CASP8: variants seen among roughly 807,000 people sequenced by gnomAD.
The protein encoded by CASP8 is caspase 8.
In CASP8, 24 loss-of-function variants were observed where a neutral mutation model predicts 46.3. The ratio of observed to expected loss-of-function variants is 0.52; its 90% confidence interval spans 0.38 to 0.73. CASP8 has a LOEUF of 0.73. Among genes scored for constraint, CASP8 ranks in the 30% least tolerant of loss-of-function variants. The probability of loss-of-function intolerance (pLI) is 0.00; values close to 1 mark genes in which losing one functional copy is unlikely to be tolerated. For synonymous variants in CASP8, 188 were observed against 200.4 expected (o/e 0.94, Z 0.52); for missense variants, 460 against 559.0 (o/e 0.82, Z 1.79).
chr2:201,278,739 T>C (rs1267044955), intron 7 of CASP8, among the ~76,000 whole-genome samples: 2 of 151,814 alleles, frequency 1.3e-5, no homozygotes, highest in South Asian at 2.1e-4. Flanking sequence ...ACCATGTTGG[T>C]CAGGCTGTTC....
intron 2 of CASP8, among the ~76,000 whole-genome samples, chr2:201,250,937 T>G (rs1946750256): frequency 6.6e-6 from 1 of 152,240 alleles, no homozygotes; most frequent in Non-Finnish European, 1.5e-5. Context: ...TCACACTTCC[T>G]CCCCTGAGTC....
rs146286958 is a variant in CASP8, at chr2:201,284,905, A to G, written c.892A>G (p.Ile298Val). 982 of 1,614,136 alleles carry G rather than the reference A, an allele frequency of 6.1e-4. 2 individuals carry two copies. The highest frequency in any genetic ancestry group is 5.9e-4 in the Non-Finnish European group (700 of 1,180,020). Reference protein sequence around the residue: ...TVEQIYEILKIYQLMDHSNMD... With the variant: ...TVEQIYEILKVYQLMDHSNMD... ...AGAGCAAATCTATGAGATTTTGAAA[A>G]TCTACCAACTCATGGACCACAGTAA... Residue 298 changes from isoleucine to valine, a missense_variant, in exon 8 of 9, where the codon ATC becomes GTC. Ile to Val is a conservative substitution (Grantham distance 29). Coordinates refer to ENST00000673742, the MANE Select transcript of CASP8 (RefSeq NM_001372051.1).
intron 7 of CASP8, among the ~76,000 whole-genome samples, chr2:201,282,765 G>A (rs1455748973): frequency 7.1e-5 from 6 of 83,946 alleles, no homozygotes; most frequent in African/African-American, 2.3e-4. Flanking sequence ...AGTAGGGGCG[G>A]CCCGGCAGAG....
intron 2 of CASP8, among the ~76,000 whole-genome samples, chr2:201,251,551 C>T (rs529712150): frequency 7.0e-6 from 1 of 141,950 alleles, no homozygotes; most frequent in Non-Finnish European, 1.5e-5. Context: ...GCCAAGATGG[C>T]GCCACTGCAC....
intron 6 of CASP8, among the ~76,000 whole-genome samples, chr2:201,275,215 G>T (rs7571586): frequency 6.6e-6 from 1 of 152,052 alleles, no homozygotes; most frequent in Non-Finnish European, 1.5e-5. Context: ...GAGGGTGGAG[G>T]GGGTAATAAG....
chr2:201,260,310 A>G (rs747537757), upstream of CASP8, among the ~76,000 whole-genome samples: 14 of 152,172 alleles, frequency 9.2e-5, no homozygotes, highest in Non-Finnish European at 1.9e-4. Context: ...CAAAGGTAAA[A>G]TGGCCCATCC....
chr2:201,234,783 A>T (rs1945977971), intron 2 of CASP8, among the ~76,000 whole-genome samples: 1 of 152,098 alleles, frequency 6.6e-6, no homozygotes, highest in Non-Finnish European at 1.5e-5. Flanking sequence ...AGATAATATG[A>T]CCACATTATA....
intron 5 of CASP8, 60 bp from the exon 6 acceptor site, chr2:201,274,829 A>C (rs2125290555): frequency 1.6e-6 from 2 of 1,268,562 alleles, no homozygotes; most frequent in Admixed American, 1.7e-5. Context: ...TACATATTTC[A>C]TTACCAGTGT....
intron 7 of CASP8, 32 bp from the exon 8 acceptor site, chr2:201,284,784 T>G (rs375575712): frequency 6.3e-7 from 1 of 1,591,932 alleles, no homozygotes; most frequent in Non-Finnish European, 8.5e-7. Context: ...ATTACTGTGG[T>G]ATAACGTGAC....
At chr2:201,256,789 T>TA (rs1160986487), upstream of CASP8, among the ~76,000 whole-genome samples, 2 of 152,184 alleles carry the variant, frequency 1.3e-5, no homozygotes, top group African/African-American at 4.8e-5. Flanking sequence ...GGTAATGTGT[T>TA]ATTGCTGGTG....
intron 7 of CASP8, among the ~76,000 whole-genome samples, chr2:201,279,379 T>C (rs565471195): frequency 1.9e-4 from 29 of 152,348 alleles, no homozygotes; most frequent in Admixed American, 7.2e-4. Context: ...GCTGGTGGCA[T>C]GGAGTCAGAT....
At chr2:201,279,470 C>T (rs1264749941) in intron 7 of CASP8, among the ~76,000 whole-genome samples, 1 of 152,232 alleles carries the variant, frequency 6.6e-6, no homozygotes, top group Non-Finnish European at 1.5e-5. Context: ...AGCTAAAATA[C>T]ATACAGATAA....
At chr2:201,281,558 G>C (rs188948401) in intron 7 of CASP8, among the ~76,000 whole-genome samples, 8 of 149,900 alleles carry the variant, frequency 5.3e-5, no homozygotes, top group Admixed American at 4.8e-4. Context: ...GGGATAGAGA[G>C]GGGATAACCT....
chr2:201,263,132 C>A (rs1213254904), intron 1 of CASP8, among the ~76,000 whole-genome samples: 1 of 152,162 alleles, frequency 6.6e-6, no homozygotes, highest in African/African-American at 2.4e-5. Flanking sequence ...CATGTCATCT[C>A]AGCCTTGGAT....
chr2:201,266,737 A>G lies in CASP8; in HGVS notation c.251A>G (p.Glu84Gly), dbSNP rs1292450812. 29 of 1,613,784 alleles carry G rather than the reference A, an allele frequency of 1.8e-5. No homozygotes were observed. The highest frequency in any genetic ancestry group is 2.5e-5 in the Non-Finnish European group (29 of 1,179,818). ...LLITYLNTRK[E>G]EMERELQTPG... is the part of the protein sequence containing the mutation. The stretch of plus-strand genomic sequence containing the variant: ...ATTACCTACCTAAACACTAGAAAGG[A>G]GGAGATGGAAAGGGAACTTCAGACA... The change falls in exon 2 of 9, where the codon GAG (glutamate) becomes GGG (glycine). Residue 84 changes from glutamate to glycine, a missense_variant. Physicochemically the swap from Glu to Gly is moderately conservative, Grantham distance 98 (BLOSUM62 -2). Coordinates refer to ENST00000673742, the MANE Select transcript of CASP8 (RefSeq NM_001372051.1). The surrounding 1 kb of genome is among the most constrained non-coding windows in gnomAD (Gnocchi z 5.7).
At chr2:201,251,106 G>GAAT (rs1378857535) in intron 2 of CASP8, among the ~76,000 whole-genome samples, 7 of 152,098 alleles carry the variant, frequency 4.6e-5, no homozygotes, top group Non-Finnish European at 8.8e-5. Flanking sequence ...TTTTATTGCT[G>GAAT]AATAATAATC....
intron 8 of CASP8, 129 bp downstream of exon 8, chr2:201,285,446 A>T: frequency 8.7e-7 from 1 of 1,150,384 alleles, no homozygotes; most frequent in Non-Finnish European, 1.3e-6. Context: ...TTAACAGGTC[A>T]GAGAACTGTC....
intron 8 of CASP8, 90 bp downstream of exon 8, chr2:201,285,407 T>A: frequency 6.8e-7 from 1 of 1,472,206 alleles, no homozygotes; most frequent in African/African-American, 1.4e-5. Context: ...TCAGAGCCTA[T>A]TAGAAAGTGC....
intron 2 of CASP8, among the ~76,000 whole-genome samples, chr2:201,246,022 C>T (rs1946502763): frequency 6.6e-6 from 1 of 152,070 alleles, no homozygotes. Flanking sequence ...CATGTGCCAC[C>T]ATGCCCGGCT....
Sources: allele counts gnomAD v4.1 joint callset (sites outside exome capture counted in the v4.1 genomes callset), GRCh38; gene constraint gnomAD v4.1.1; non-coding constraint Gnocchi (gnomAD v3.1); transcripts MANE v1.5; gene names NCBI Gene and HGNC (gene_info 2026-07-23, HGNC 2026-07-21).